The following SLC25A16 variants were observed in gnomAD, a reference collection of about 807,000 sequenced individuals.
The protein encoded by SLC25A16 is solute carrier family 25 member 16, also known as mitochondrial coenzyme A transporter SLC25A16.
In SLC25A16, 39 loss-of-function variants were observed where a neutral mutation model predicts 41.5. That is an observed-to-expected ratio of 0.94 (90% CI 0.73 to 1.23). SLC25A16 has a LOEUF of 1.23. Ranked by LOEUF, SLC25A16 falls within the 50% of genes most tolerant of loss-of-function variation. The pLI, the probability that SLC25A16 is intolerant of heterozygous loss-of-function variation, is 0.00. For synonymous variants in SLC25A16, 146 were observed against 147.8 expected (o/e 0.99, Z 0.09); for missense variants, 421 against 426.9 (o/e 0.99, Z 0.12).
intron 8 of SLC25A16, among the ~76,000 whole-genome samples, chr10:68,485,907 C>A (rs1590089894): frequency 6.6e-6 from 1 of 150,794 alleles, no homozygotes; most frequent in East Asian, 2.0e-4. Context: ...ACACGATTCT[C>A]CTGCCTCAGC....
At position 68,493,457 on chromosome 10, in the gene SLC25A16, A is replaced by T. The variant is rs1347739395; in HGVS notation, c.535T>A (p.Tyr179Asn). 1.9e-6 allele frequency: 3 copies of T among 1,613,086 alleles called. No individual in the cohort carries two copies. The highest frequency in any genetic ancestry group is 2.5e-6 in the Non-Finnish European group (3 of 1,179,164). The change falls in exon 5 of 9, where the codon TAT becomes AAT. Residue 179 changes from tyrosine (Y) to asparagine (N), a missense_variant. Physicochemically the swap from Tyr to Asn is moderately radical, Grantham distance 143 (BLOSUM62 -2). Transcript: ENST00000609923. ...TGIIHAFKTI[Y>N]AKEGGFFGFY... is the part of the protein sequence containing the mutation. ...AGGTAAATATGAAATACCTTTGCAT[A>T]AATTGTTTTGAAAGCATGAATAATT... is the stretch of plus-strand genomic sequence containing the variant.
intron 4 of SLC25A16, among the ~76,000 whole-genome samples, chr10:68,498,315 A>G (rs774179694): frequency 1.3e-5 from 2 of 150,858 alleles, no homozygotes; most frequent in East Asian, 1.9e-4. Flanking sequence ...TTTTATTTTT[A>G]ACTTTTTCTT....
rs538748123 is a variant in SLC25A16 at position 68,504,417 on chromosome 10, G to C, written c.358-722C>G. Among the ~76,000 whole-genome samples the C allele has an allele frequency of 4.4e-4, 66 of 150,872 alleles. No individual in the cohort carries two copies. In the Middle Eastern group the frequency reaches 0.01, roughly 23 times the overall value. On this transcript the variant is annotated intron_variant, in intron 3 of 8. Coordinates refer to ENST00000609923, the MANE Select transcript of SLC25A16 (RefSeq NM_152707.4). ...GCTGACTAGCTTAGAATGTTGTTCC[G>C]ATCTCTGCTGCTTGTGTTTTTTTTG...
intron 1 of SLC25A16, among the ~76,000 whole-genome samples, chr10:68,519,893 C>T (rs371049774): frequency 1.5e-4 from 22 of 149,926 alleles, no homozygotes; most frequent in Non-Finnish European, 2.8e-4. Context: ...CCAGCCTGGG[C>T]GACAAGAACG....
At chr10:68,516,625 TG>T in intron 2 of SLC25A16, 125 bp downstream of exon 2, 1 of 571,618 alleles carries the variant, frequency 1.7e-6, no homozygotes, top group Non-Finnish European at 3.0e-6. Flanking sequence ...CCTAATTAAA[TG>T]GGGAAAAAAG....
intron 2 of SLC25A16, among the ~76,000 whole-genome samples, chr10:68,507,710 A>C (rs2052981994): frequency 6.6e-6 from 1 of 152,178 alleles, no homozygotes; most frequent in East Asian, 1.9e-4. Context: ...CAGACTTCTC[A>C]AAAACATATT....
intron 7 of SLC25A16, among the ~76,000 whole-genome samples, chr10:68,488,041 C>T (rs373951433): frequency 2.6e-5 from 4 of 152,042 alleles, no homozygotes; most frequent in African/African-American, 7.2e-5. Context: ...TTAGTAAAGA[C>T]GGGTTTTCAC....
chr10:68,493,065 G>GAAAAA, intron 6 of SLC25A16, 67 bp downstream of exon 6: 1 of 772,482 alleles, frequency 1.3e-6, no homozygotes, highest in Non-Finnish European at 2.1e-6. Flanking sequence ...TACCATTTCA[G>GAAAAA]AAAAAAAAAA....
At chr10:68,488,428 A>G in intron 7 of SLC25A16, 39 bp downstream of exon 7, 3 of 1,376,238 alleles carry the variant, frequency 2.2e-6, no homozygotes, top group Non-Finnish European at 2.9e-6. Context: ...GGACTGGGTA[A>G]CTATAATTTG....
intron 4 of SLC25A16, among the ~76,000 whole-genome samples, chr10:68,500,369 G>A (rs975674230): frequency 3.9e-5 from 6 of 151,954 alleles, no homozygotes; most frequent in Admixed American, 1.3e-4. Flanking sequence ...GTGTAGTAAC[G>A]CGATCTGGGC....
intron 1 of SLC25A16, among the ~76,000 whole-genome samples, chr10:68,527,026 C>T (rs2053348224): frequency 6.6e-6 from 1 of 152,200 alleles, no homozygotes; most frequent in African/African-American, 2.4e-5. Flanking sequence ...TCCACCTCCC[C>T]AGCCTCTGCC....
At position 68,478,024 on chromosome 10, in the gene SLC25A16, G is replaced by A. The variant is rs2052447577; in HGVS notation, c.*5408C>T. 6.6e-6 allele frequency: 1 copy of A among 152,032 alleles called. No individual in the cohort carries two copies. The highest frequency in any genetic ancestry group is 1.5e-5 in the Non-Finnish European group (1 of 68,004). The allele number at this position is 152,032 out of a possible 1,614,324, so 9.4% of individuals were successfully genotyped here. On this transcript the variant is annotated 3_prime_UTR_variant, in exon 9 of 9. Transcript: ENST00000609923. ...TATTTTATTGCTTGGTATGTTTATT[G>A]ACAAGTTCAAATTTAATGACATGTT...
intron 4 of SLC25A16, among the ~76,000 whole-genome samples, chr10:68,495,740 C>G (rs766141546): frequency 7.6e-5 from 11 of 145,560 alleles, no homozygotes; most frequent in East Asian, 4.0e-4. Flanking sequence ...CGAGATCATG[C>G]CACTGCACTC....
At position 68,512,046 on chromosome 10, in the gene SLC25A16, G is replaced by A. The variant is rs142412246; in HGVS notation, c.223+4705C>T. ...TAATTTTTGTATTTTTAGTAGAGACGGGGCTTCACCATATTGGCTAGGCTT... is the reference window on the plus strand; with the variant it reads ...TAATTTTTGTATTTTTAGTAGAGACAGGGCTTCACCATATTGGCTAGGCTT... On this transcript the variant is annotated intron_variant, in intron 2 of 8. Coordinates refer to ENST00000609923, the MANE Select transcript of SLC25A16 (RefSeq NM_152707.4). 4.7e-3 allele frequency among the ~76,000 whole-genome samples: 715 copies of A among 152,072 alleles called. 6 individuals are homozygous for A. The highest frequency in any genetic ancestry group is 0.016 in the African/African-American group (681 of 41,482).
chr10:68,505,510 A>C (rs561947902), intron 3 of SLC25A16, among the ~76,000 whole-genome samples: 11 of 152,272 alleles, frequency 7.2e-5, no homozygotes, highest in African/African-American at 2.6e-4. Flanking sequence ...TGCAGTGGCT[A>C]TGCCTGTAAT....
At chr10:68,495,955 G>C (rs1000285636) in intron 4 of SLC25A16, among the ~76,000 whole-genome samples, 1 of 152,004 alleles carries the variant, frequency 6.6e-6, no homozygotes, top group African/African-American at 2.4e-5. Flanking sequence ...CCAAATCAGG[G>C]TTTTGTAAAG....
intron 2 of SLC25A16, among the ~76,000 whole-genome samples, chr10:68,513,584 G>A (rs894624993): frequency 5.3e-5 from 8 of 152,050 alleles, no homozygotes; most frequent in South Asian, 2.1e-4. Flanking sequence ...TCTATAAAAC[G>A]ATATTATAAA....
chr10:68,505,217 C>T (rs1590111791), intron 3 of SLC25A16, among the ~76,000 whole-genome samples: 1 of 152,034 alleles, frequency 6.6e-6, no homozygotes, highest in Non-Finnish European at 1.5e-5. Flanking sequence ...GGGGTGGTGG[C>T]ACATGCCTCT....
At chr10:68,522,463 T>C (rs981638387) in intron 1 of SLC25A16, among the ~76,000 whole-genome samples, 3 of 151,264 alleles carry the variant, frequency 2.0e-5, no homozygotes, top group African/African-American at 7.3e-5. Flanking sequence ...GTGGATCACT[T>C]AAGGTCAGGA....
Sources: gnomAD v4.1 joint callset for allele counts (sites outside exome capture counted in the v4.1 genomes callset) on GRCh38, gnomAD v4.1.1 for gene constraint, MANE v1.5 for transcripts, NCBI Gene and HGNC (gene_info 2026-07-23, HGNC 2026-07-21) for gene names.